The following SETBP1 variants were observed in gnomAD, a reference collection of about 807,000 sequenced individuals.
SETBP1 encodes the protein SET-binding protein.
In SETBP1, 9 loss-of-function variants were observed where a neutral mutation model predicts 101.0. The ratio of observed to expected loss-of-function variants is 0.09; its 90% CI spans 0.05 to 0.16. The LOEUF (loss-of-function observed/expected upper bound fraction) is 0.16, where lower values mean the gene tolerates loss of function less well. SETBP1 is among the 10% of genes least tolerant of loss of function. The pLI is 1.00. For missense variants in SETBP1, 1,858 were observed against 2,033.8 expected (o/e 0.91, Z 1.66); for synonymous variants, 818 against 788.5 (o/e 1.04, Z -0.63).
intron 4 of SETBP1, among the ~76,000 whole-genome samples, chr18:45,006,842 AG>A (rs1442730446): frequency 6.6e-6 from 1 of 152,198 alleles, no homozygotes; most frequent in Non-Finnish European, 1.5e-5. Context: ...TAAGGTCTCA[AG>A]AAGAGGAATT....
chr18:44,925,869 G>A (rs1255902067), intron 3 of SETBP1, among the ~76,000 whole-genome samples: 3 of 152,186 alleles, frequency 2.0e-5, no homozygotes, highest in African/African-American at 7.2e-5. Context: ...AAGAAGGAGT[G>A]ATACCCAGAG....
intron 2 of SETBP1, among the ~76,000 whole-genome samples, chr18:44,779,558 A>G (rs1188421771): frequency 6.6e-6 from 1 of 152,120 alleles, no homozygotes; most frequent in Non-Finnish European, 1.5e-5. Flanking sequence ...CTGGGGACAA[A>G]CAGTTGGCAG....
Position 44,735,275 on chromosome 18 carries a change from G to C in SETBP1, c.486+33443G>C, listed in dbSNP as rs557733190. On this transcript the variant is annotated intron_variant, in intron 2 of 5. Coordinates refer to ENST00000649279, the MANE Select transcript of SETBP1 (RefSeq NM_015559.3). ...CTCTGCATTAGGAGGCAGGAGACCT[G>C]AATTTTAGTTCTTCTTTTTTCAGTT... Among the ~76,000 whole-genome samples the C allele has an allele frequency of 9.2e-5, 14 of 152,308 alleles. No homozygotes were observed. In the South Asian group the frequency reaches 1.9e-3, roughly 20 times the overall value.
At chr18:45,026,655 T>C (rs549637229) in intron 4 of SETBP1, among the ~76,000 whole-genome samples, 2 of 152,326 alleles carry the variant, frequency 1.3e-5, no homozygotes, top group South Asian at 2.1e-4. Flanking sequence ...TTTTTTTCCT[T>C]GTTAGTACCT....
chr18:44,821,655 A>C (rs2072116788), intron 2 of SETBP1, among the ~76,000 whole-genome samples: 1 of 152,156 alleles, frequency 6.6e-6, no homozygotes, highest in African/African-American at 2.4e-5. Context: ...CCTGTTCCTG[A>C]CACACAGCTG....
intron 2 of SETBP1, among the ~76,000 whole-genome samples, chr18:44,807,723 T>C (rs2071777984): frequency 6.6e-6 from 1 of 152,224 alleles, no homozygotes; most frequent in African/African-American, 2.4e-5. Flanking sequence ...ATATTGCTAA[T>C]TTAGGGTGTC....
At chr18:44,759,598 T>G (rs952747330) in intron 2 of SETBP1, among the ~76,000 whole-genome samples, 2 of 152,184 alleles carry the variant, frequency 1.3e-5, no homozygotes, top group East Asian at 1.9e-4. Flanking sequence ...ACAGTGTGTG[T>G]GGGGTGAGCT....
intron 2 of SETBP1, among the ~76,000 whole-genome samples, chr18:44,793,920 T>C (rs956030092): frequency 6.6e-6 from 1 of 152,236 alleles, no homozygotes; most frequent in Non-Finnish European, 1.5e-5. Context: ...TTTTAGTTCA[T>C]GATATACTTA....
chr18:44,865,169 ATTT>A (rs752196301), intron 2 of SETBP1, among the ~76,000 whole-genome samples: 5 of 152,172 alleles, frequency 3.3e-5, no homozygotes, highest in African/African-American at 4.8e-5. Flanking sequence ...AACCAATCCT[ATTT>A]TTAACTAGCA....
At chr18:44,785,050 C>T (rs1216669063) in intron 2 of SETBP1, among the ~76,000 whole-genome samples, 1 of 152,132 alleles carries the variant, frequency 6.6e-6, no homozygotes, top group African/African-American at 2.4e-5. Flanking sequence ...TATTGGGAAT[C>T]AATCATCCCA....
At chr18:44,831,787 A>C (rs1186868896) in intron 2 of SETBP1, among the ~76,000 whole-genome samples, 2 of 152,218 alleles carry the variant, frequency 1.3e-5, no homozygotes, top group African/African-American at 4.8e-5. Context: ...CTGAATTAAA[A>C]TAAATATTAT....
At chr18:44,752,714 A>G (rs2070411822) in intron 2 of SETBP1, among the ~76,000 whole-genome samples, 2 of 152,306 alleles carry the variant, frequency 1.3e-5, no homozygotes. Flanking sequence ...ATTTACAAAG[A>G]AGGTTTGTAG....
chr18:44,911,321 T>C (rs984485490), intron 3 of SETBP1, among the ~76,000 whole-genome samples: 2 of 152,206 alleles, frequency 1.3e-5, no homozygotes, highest in Non-Finnish European at 2.9e-5. Flanking sequence ...GCAAATGTAA[T>C]TGTGGGGTTT....
rs189512448 is a variant in SETBP1, at chr18:44,902,937, A to G, written c.540+33654A>G. ...TTGCCAAATATGGCTATTAAATACT[A>G]TATAATATTTTTTTAAAAAATAATA... is the stretch of plus-strand genomic sequence containing the variant. On this transcript the variant is annotated intron_variant, in intron 3 of 5. Transcript: ENST00000649279. Among the ~76,000 whole-genome samples, 48 of 152,184 alleles carry G rather than the reference A, an allele frequency of 3.2e-4. No homozygotes were observed. In the East Asian group the frequency reaches 9.3e-3, roughly 29 times the overall value.
At chr18:44,886,354 G>A (rs1423332382) in intron 3 of SETBP1, among the ~76,000 whole-genome samples, 1 of 152,120 alleles carries the variant, frequency 6.6e-6, no homozygotes, top group East Asian at 1.9e-4. Context: ...CAATATAGGT[G>A]TAGCACTTCC....
At chr18:44,920,108 T>A (rs750192973) in intron 3 of SETBP1, among the ~76,000 whole-genome samples, 1 of 152,220 alleles carries the variant, frequency 6.6e-6, no homozygotes, top group Non-Finnish European at 1.5e-5. Flanking sequence ...AAGGTCAAGA[T>A]GCAAGAAACT....
At chr18:44,771,872 A>G (rs2070882376) in intron 2 of SETBP1, among the ~76,000 whole-genome samples, 1 of 152,224 alleles carries the variant, frequency 6.6e-6, no homozygotes, top group South Asian at 2.1e-4. Context: ...TATCAGCTCC[A>G]TGATTTCCCC....
intron 3 of SETBP1, among the ~76,000 whole-genome samples, chr18:44,935,089 C>T (rs1476218880): frequency 1.8e-5 from 2 of 114,078 alleles, no homozygotes; most frequent in Non-Finnish European, 3.6e-5. Flanking sequence ...GCTCAGACTC[C>T]ACCCACAAGG....
chr18:44,926,212 T>C (rs74635821), intron 3 of SETBP1, among the ~76,000 whole-genome samples: 19,042 of 152,060 alleles, frequency 0.13, 1,413 homozygotes, highest in East Asian at 0.32. Flanking sequence ...AGATTACAGG[T>C]GTGAGCCACT....
Sources: allele counts gnomAD v4.1 joint callset (sites outside exome capture counted in the v4.1 genomes callset), GRCh38; gene constraint gnomAD v4.1.1; transcripts MANE v1.5; gene names NCBI Gene and HGNC (gene_info 2026-07-23, HGNC 2026-07-21).